The following STT3A variants were observed in gnomAD, a reference collection of about 807,000 sequenced individuals.
The protein encoded by STT3A is STT3 oligosaccharyltransferase complex catalytic subunit A, also known as dolichyl-diphosphooligosaccharide--protein glycosyltransferase subunit STT3A.
STT3A carries 34 observed loss-of-function variants against 89.2 expected under a neutral mutation model. That is an observed-to-expected ratio of 0.38 (90% CI 0.29 to 0.51). The LOEUF is 0.51. STT3A is among the 20% of genes least tolerant of loss of function. The pLI is 0.89. For missense variants in STT3A, 555 were observed against 889.5 expected, an observed-to-expected ratio of 0.62 and a Z score of 4.78; for synonymous variants, 282 against 310.3, an observed-to-expected ratio of 0.91 and a Z score of 0.96.
rs975148046 is a variant in STT3A, at chr11:125,618,530, C to T, written c.1932C>T (p.Tyr644=). 6.2e-7 allele frequency: 1 copy of T among 1,613,580 alleles called. No homozygotes were observed. The stretch of plus-strand genomic sequence containing the variant: ...ACTGCCTCATGTACAAGATGTGTTA[C>T]TATCGCTTTGGACAGGTTTACACAG... ...LLNCLMYKMC[Y]YRFGQVYTEA... The change falls in exon 16 of 18, where the codon TAC becomes TAT. Residue 644 remains tyrosine, a synonymous_variant. Transcript: ENST00000392708.
chr11:125,610,154 C>T (rs1211246546), intron 10 of STT3A, among the ~76,000 whole-genome samples: 1 of 147,712 alleles, frequency 6.8e-6, no homozygotes, highest in Admixed American at 7.0e-5. Context: ...CCTCTGCCTC[C>T]TGGGCTCAAG....
At chr11:125,606,598 T>C (rs1311990666) in intron 8 of STT3A, 133 bp downstream of exon 8, 1 of 1,006,872 alleles carries the variant, frequency 9.9e-7, no homozygotes, top group Non-Finnish European at 1.4e-6. Context: ...CTTGTGTTAG[T>C]TGAAGCAACA....
intron 7 of STT3A, 165 bp from the exon 8 acceptor site, chr11:125,606,136 T>TA (rs61607931): frequency 9.8e-3 from 5,208 of 530,210 alleles, no homozygotes; most frequent in Middle Eastern, 0.013. Flanking sequence ...TTTTCCTGTT[T>TA]AAAAAAAAAA....
chr11:125,615,772 C>T (rs1940159968), intron 15 of STT3A, among the ~76,000 whole-genome samples: 1 of 152,162 alleles, frequency 6.6e-6, no homozygotes, highest in African/African-American at 2.4e-5. Flanking sequence ...ATGCAGAGGC[C>T]GGGTGCGATG....
rs144682420 is a variant in STT3A at position 125,606,934 on chromosome 11, G to A, written c.780+469G>A. 2.3e-4 allele frequency among the ~76,000 whole-genome samples: 35 copies of A among 152,306 alleles called. No homozygotes were observed. The East Asian group carries it at 6.6e-3, about 29-fold the overall frequency. On this transcript the variant is annotated intron_variant, in intron 8 of 17. Transcript: ENST00000392708. ...TAATGTGGTATGTTTGATTTCTCTTGTGAAATTATCATGAAAATGCAAACC... is the reference window on the plus strand; with the variant it reads ...TAATGTGGTATGTTTGATTTCTCTTATGAAATTATCATGAAAATGCAAACC...
Position 125,613,087 on chromosome 11 carries a change from T to C in STT3A, c.1464T>C (p.Ile488=), listed in dbSNP as rs34079079. The C allele has an allele frequency of 0.025, 39,765 of 1,614,164 alleles. 604 individuals are homozygous for C. Among genetic ancestry groups the C allele is most frequent in the Non-Finnish European group, 0.03 (35,756 of 1,180,020 alleles). ...GTGAGGCCTACTCTTCTCCGTCCATTGTACTATCTGCCCGTGGTGGGGATG... is the reference window on the plus strand; with the variant it reads ...GTGAGGCCTACTCTTCTCCGTCCATCGTACTATCTGCCCGTGGTGGGGATG... The part of the protein sequence containing the change: ...VTSEAYSSPS[I]VLSARGGDGS... The change falls in exon 13 of 18, where the codon ATT becomes ATC. Residue 488 remains isoleucine, a synonymous_variant. Transcript: ENST00000392708. This position sits in a 1 kb window ranked among gnomAD's most constrained non-coding sequence, Gnocchi z 4.2.
At chr11:125,606,487 GT>G (rs772944289) in intron 8 of STT3A, 22 bp downstream of exon 8, 129 of 1,593,582 alleles carry the variant, frequency 8.1e-5, no homozygotes, top group Non-Finnish European at 1.1e-4. Context: ...ACTGAGTAGG[GT>G]TTTCAGCTTC....
chr11:125,613,889 G>T lies in STT3A; in HGVS notation c.1555-198G>T. On this transcript the variant is annotated intron_variant, in intron 13 of 17. Transcript: ENST00000392708. The surrounding 1 kb of genome is among the most constrained non-coding windows in gnomAD (Gnocchi z 4.2). ...TTGGGAATGTTGGTTTGTTATTTGT[G>T]CTGAGATTTTATAATTGTATATAAA... 1 of 546,254 alleles carries T rather than the reference G, an allele frequency of 1.8e-6. No homozygotes were observed. The highest frequency in any genetic ancestry group is 3.1e-5 in the East Asian group (1 of 31,860). The allele number at this position is 546,254 out of a possible 1,614,324, so 33.8% of individuals were successfully genotyped here.
chr11:125,617,076 G>A (rs1005819630), intron 15 of STT3A, among the ~76,000 whole-genome samples: 1 of 152,054 alleles, frequency 6.6e-6, no homozygotes, highest in Admixed American at 6.6e-5. Flanking sequence ...TATCATAGCC[G>A]AGCTGATGTT....
Position 125,618,353 on chromosome 11 carries a change from T to C in STT3A, c.1775-20T>C. On this transcript the variant is annotated intron_variant, in intron 15 of 17. Coordinates refer to ENST00000392708, the MANE Select transcript of STT3A (RefSeq NM_152713.5). ...AGCAACTTTTGTGATGCAGCAGTTCTTTTTTTTTTTTTCTCCTAGATATCA... is the reference window on the plus strand; with the variant it reads ...AGCAACTTTTGTGATGCAGCAGTTCCTTTTTTTTTTTTCTCCTAGATATCA... The C allele has an allele frequency of 6.0e-6, 2 of 332,014 alleles. No homozygotes were observed. The highest frequency in any genetic ancestry group is 4.7e-6 in the Non-Finnish European group (1 of 211,058). 20.6% of individuals were successfully genotyped at this position (332,014 alleles called of 1,614,324 possible).
In STT3A at chr11:125,602,916, A is replaced by G. The variant is rs887777439; in HGVS notation, c.385A>G (p.Ile129Val). 1 of 1,614,054 alleles carries G rather than the reference A, an allele frequency of 6.2e-7. No individual in the cohort carries two copies. Among genetic ancestry groups the G allele is most frequent in the Non-Finnish European group, 8.5e-7 (1 of 1,180,016 alleles). ...CCCTCTCTTCTCCTCCTTCACCACC[A>G]TCGTCACGTACCACCTTACCAAAGA... ...LAPLFSSFTTIVTYHLTKELK... is the reference protein window; with the variant it reads ...LAPLFSSFTTVVTYHLTKELK... The change falls in exon 5 of 18, where the codon ATC becomes GTC. Residue 129 changes from isoleucine to valine, a missense_variant. Transcript: ENST00000392708.
chr11:125,603,024 G>C, intron 5 of STT3A, 76 bp downstream of exon 5: 1 of 1,555,118 alleles, frequency 6.4e-7, no homozygotes, highest in African/African-American at 1.4e-5. Flanking sequence ...GAGGGTGGGG[G>C]ACAGAGCCTT....
At chr11:125,616,785 T>C (rs1341791285) in intron 15 of STT3A, among the ~76,000 whole-genome samples, 1 of 152,114 alleles carries the variant, frequency 6.6e-6, no homozygotes, top group Non-Finnish European at 1.5e-5. Flanking sequence ...TCAAGTGATC[T>C]TCCCACCTCA....
chr11:125,595,362 T>G (rs1939458581), intron 1 of STT3A, among the ~76,000 whole-genome samples: 1 of 151,962 alleles, frequency 6.6e-6, no homozygotes, highest in Admixed American at 6.6e-5. Flanking sequence ...GCTGTATTGC[T>G]CAGATTGGTC....
rs1940332202 is a variant in STT3A at position 125,620,989 on chromosome 11, A to G, written c.*179A>G. 2.5e-5 allele frequency: 12 copies of G among 479,108 alleles called. No individual in the cohort carries two copies. In the East Asian group the frequency reaches 3.9e-4, roughly 16 times the overall value. The allele number at this position is 479,108 out of a possible 1,614,324, so 29.7% of individuals were successfully genotyped here. A position where few individuals can be genotyped will look rare whatever the true frequency, so the allele number is the denominator to read the frequency against. ...CTGGGCCAAATGAAATGATTTTTATAATTCTAAACAGGTTACCAAATGAAA... is the reference window on the plus strand; with the variant it reads ...CTGGGCCAAATGAAATGATTTTTATGATTCTAAACAGGTTACCAAATGAAA... On this transcript the variant is annotated 3_prime_UTR_variant, in exon 18 of 18. Coordinates refer to ENST00000392708, the MANE Select transcript of STT3A (RefSeq NM_152713.5).
At chr11:125,597,949 C>T (rs935572658) in intron 3 of STT3A, among the ~76,000 whole-genome samples, 3 of 152,198 alleles carry the variant, frequency 2.0e-5, no homozygotes, top group Non-Finnish European at 4.4e-5. Context: ...CACGGTGGCT[C>T]ACGCCTGTAA....
chr11:125,599,231 A>G (rs1307818858), intron 3 of STT3A, among the ~76,000 whole-genome samples: 1 of 152,164 alleles, frequency 6.6e-6, no homozygotes, highest in Non-Finnish European at 1.5e-5. Context: ...CCAAAATAAC[A>G]TCAGTGACAA....
chr11:125,605,798 CTTA>C, intron 7 of STT3A, 63 bp downstream of exon 7: 1 of 1,400,080 alleles, frequency 7.1e-7, no homozygotes, highest in Non-Finnish European at 9.8e-7. Flanking sequence ...CCTATGGGTA[CTTA>C]TTGTTTGACC....
rs1940094502 is a variant in STT3A at position 125,613,883 on chromosome 11, A to G, written c.1555-204A>G. On this transcript the variant is annotated intron_variant, in intron 13 of 17. Transcript: ENST00000392708. This position sits in a 1 kb window ranked among gnomAD's most constrained non-coding sequence, Gnocchi z 4.2. ...GAAGTGTTGGGAATGTTGGTTTGTT[A>G]TTTGTGCTGAGATTTTATAATTGTA... is the stretch of plus-strand genomic sequence containing the variant. 7 of 533,198 alleles carry G rather than the reference A, an allele frequency of 1.3e-5. No homozygotes were observed. Among genetic ancestry groups the G allele is most frequent in the South Asian group, 2.1e-5 (1 of 47,316 alleles). The allele number at this position is 533,198 out of a possible 1,614,324, so 33.0% of individuals were successfully genotyped here.
Sources: allele counts gnomAD v4.1 joint callset (sites outside exome capture counted in the v4.1 genomes callset), GRCh38; gene constraint gnomAD v4.1.1; non-coding constraint Gnocchi (gnomAD v3.1); transcripts MANE v1.5; gene names NCBI Gene and HGNC (gene_info 2026-07-23, HGNC 2026-07-21).